DCLK1: variants seen among roughly 807,000 people sequenced by gnomAD.
DCLK1 encodes doublecortin like kinase 1, also known as serine/threonine-protein kinase DCLK1.
Under a neutral mutation model 86.2 loss-of-function variants are expected in DCLK1, and 16 were observed. The ratio of observed to expected loss-of-function variants is 0.19; its 90% CI spans 0.13 to 0.28. DCLK1 has a LOEUF of 0.28. Among genes scored for constraint, DCLK1 ranks in the 10% least tolerant of loss-of-function variants. The pLI is 1.00. For missense variants in DCLK1, 590 were observed against 940.2 expected (o/e 0.63, Z 4.87); for synonymous variants, 369 against 370.5 (o/e 1.00, Z 0.05).
intron 3 of DCLK1, among the ~76,000 whole-genome samples, chr13:36,103,404 T>TAA (rs71084406): frequency 0.12 from 12,875 of 108,786 alleles, 993 homozygotes; most frequent in South Asian, 0.25. Context: ...ACACCTGTCT[T>TAA]AAAAAAAAAA....
chr13:35,985,979 T>C (rs563906332), intron 3 of DCLK1, among the ~76,000 whole-genome samples: 6 of 152,004 alleles, frequency 3.9e-5, no homozygotes, highest in African/African-American at 1.4e-4. Context: ...GAGAAGATAT[T>C]AAGAGTTCGT....
At chr13:35,994,435 C>G (rs1317308524) in intron 3 of DCLK1, among the ~76,000 whole-genome samples, 1 of 152,188 alleles carries the variant, frequency 6.6e-6, no homozygotes, top group East Asian at 1.9e-4. Flanking sequence ...TTCAGCTGAC[C>G]TCAAACCACA....
intron 3 of DCLK1, among the ~76,000 whole-genome samples, chr13:36,111,277 C>T (rs1020433699): frequency 2.6e-5 from 4 of 152,200 alleles, no homozygotes; most frequent in African/African-American, 9.7e-5. Context: ...TCCAAGTCAA[C>T]TGATGTTCAT....
chr13:35,891,011 T>A (rs1593704311), intron 4 of DCLK1, among the ~76,000 whole-genome samples: 2 of 152,126 alleles, frequency 1.3e-5, no homozygotes. Context: ...TATAGTGTTT[T>A]GTCATATAGA....
chr13:35,868,243 G>T (rs1006220429), intron 5 of DCLK1, among the ~76,000 whole-genome samples: 9 of 151,864 alleles, frequency 5.9e-5, no homozygotes, highest in African/African-American at 2.2e-4. Flanking sequence ...GGATGGTCTC[G>T]ATCTCCTGAC....
intron 4 of DCLK1, among the ~76,000 whole-genome samples, chr13:35,920,000 T>C (rs1875702673): frequency 6.6e-6 from 1 of 151,894 alleles, no homozygotes; most frequent in African/African-American, 2.4e-5. Flanking sequence ...CAGTAGCAAT[T>C]TTCCCCTTCA....
intron 3 of DCLK1, among the ~76,000 whole-genome samples, chr13:36,106,948 C>G (rs527850065): frequency 1.3e-5 from 2 of 152,020 alleles, no homozygotes; most frequent in South Asian, 4.2e-4. Flanking sequence ...ATATTAAAGG[C>G]CAAAAAGAAG....
chr13:36,094,021 T>C (rs552585358), intron 3 of DCLK1, among the ~76,000 whole-genome samples: 1 of 152,314 alleles, frequency 6.6e-6, no homozygotes, highest in Admixed American at 6.5e-5. Flanking sequence ...CCTTAGTAGA[T>C]GGCACTACAG....
chr13:36,083,630 C>T (rs1433547703), intron 3 of DCLK1, among the ~76,000 whole-genome samples: 2 of 152,128 alleles, frequency 1.3e-5, no homozygotes, highest in Non-Finnish European at 1.5e-5. Context: ...CCAGCTGATC[C>T]ATATCGCCAA....
intron 3 of DCLK1, among the ~76,000 whole-genome samples, chr13:36,009,809 C>T (rs1010740461): frequency 8.8e-6 from 1 of 113,696 alleles, no homozygotes; most frequent in African/African-American, 3.6e-5. Context: ...TGTAAATTAT[C>T]TTGGGCAGTA....
At chr13:36,075,662 A>C (rs1196637112) in intron 3 of DCLK1, among the ~76,000 whole-genome samples, 2 of 152,220 alleles carry the variant, frequency 1.3e-5, no homozygotes, top group Admixed American at 1.3e-4. Context: ...ATGTGCATGA[A>C]ATGAAGAAGA....
Position 35,780,695 on chromosome 13 carries a change from C to T in DCLK1, c.2059-5996G>A, listed in dbSNP as rs58515122. Among the ~76,000 whole-genome samples the T allele has an allele frequency of 9.2e-3, 1,406 of 152,320 alleles. 62 individuals are homozygous for T. The highest frequency in any genetic ancestry group is 0.073 in the Admixed American group (1,119 of 15,302). On this transcript the variant is annotated intron_variant, in intron 16 of 16. Coordinates refer to ENST00000360631, the MANE Select transcript of DCLK1 (RefSeq NM_001330071.2). ...AAACCTGCCCTATCCAGAAGAAACA[C>T]CGCATATTCCTACCACAATCTGTAA...
chr13:35,941,413 C>A (rs971181893), intron 4 of DCLK1, among the ~76,000 whole-genome samples: 1 of 152,152 alleles, frequency 6.6e-6, no homozygotes, highest in East Asian at 1.9e-4. Context: ...GGGTACCCAA[C>A]ACCATGGTGA....
At chr13:35,808,756 C>G (rs1380009046) in intron 13 of DCLK1, among the ~76,000 whole-genome samples, 1 of 149,512 alleles carries the variant, frequency 6.7e-6, no homozygotes, top group Non-Finnish European at 1.5e-5. Flanking sequence ...GCACTCCAGA[C>G]TGAGCAAAAG....
At chr13:35,842,624 C>T (rs1378136510) in intron 6 of DCLK1, among the ~76,000 whole-genome samples, 1 of 152,166 alleles carries the variant, frequency 6.6e-6, no homozygotes, top group Non-Finnish European at 1.5e-5. Context: ...TATTAATTCA[C>T]TTCAAGATCT....
chr13:35,914,328 AAAAAATATATATATATATATACATAT>A lies in DCLK1; in HGVS notation c.823+33004_823+33029del, dbSNP rs199873115. Among the ~76,000 whole-genome samples the A allele has an allele frequency of 2.3e-3, 99 of 43,548 alleles. 2 individuals carry two copies. In the South Asian group the frequency reaches 0.026, roughly 11 times the overall value. The allele number at this position is 43,548 out of a possible 152,430, so 28.6% of individuals were successfully genotyped here. ...AGGGGAGACCTTATCTCAGAAAAAA[AAAAAATATATATATATATATACATAT>A]ATATATATATATATGTATATATATA... On this transcript the variant is annotated intron_variant, in intron 4 of 16. Transcript: ENST00000360631.
intron 4 of DCLK1, among the ~76,000 whole-genome samples, chr13:35,928,999 A>G (rs758123524): frequency 2.0e-5 from 3 of 152,106 alleles, no homozygotes; most frequent in Non-Finnish European, 4.4e-5. Context: ...GCATGATCTC[A>G]GCTCACTGCA....
rs1326579942 is a variant in DCLK1, at chr13:35,935,250, A to G, written c.823+12108T>C. ...AAAGATATAACCCAGTCAGACTACA[A>G]CTGCCCTAGAATAGCATGCCAAGGA... On this transcript the variant is annotated intron_variant, in intron 4 of 16. Coordinates refer to ENST00000360631, the MANE Select transcript of DCLK1 (RefSeq NM_001330071.2). Among the ~76,000 whole-genome samples, 3 of 152,242 alleles carry G rather than the reference A, an allele frequency of 2.0e-5. No homozygotes were observed. The East Asian group carries it at 5.8e-4, about 29-fold the overall frequency.
chr13:35,937,253 G>A (rs922252046), intron 4 of DCLK1, among the ~76,000 whole-genome samples: 19 of 152,112 alleles, frequency 1.2e-4, no homozygotes, highest in East Asian at 1.2e-3. Flanking sequence ...GATTGCAGGC[G>A]TGAGCCACCG....
Sources: allele counts gnomAD v4.1 joint callset (sites outside exome capture counted in the v4.1 genomes callset), GRCh38; gene constraint gnomAD v4.1.1; transcripts MANE v1.5; gene names NCBI Gene and HGNC (gene_info 2026-07-23, HGNC 2026-07-21).